The following PSPC1 variants were observed in gnomAD, a reference collection of about 807,000 sequenced individuals.
The protein encoded by PSPC1 is paraspeckle protein 1.
In PSPC1, 14 loss-of-function variants were observed where a neutral mutation model predicts 51.6. The observed-to-expected ratio is 0.27, with a 90% CI of 0.18 to 0.42. PSPC1 has a LOEUF of 0.42. Ranked by LOEUF, PSPC1 falls within the 10% of genes least tolerant of loss-of-function variation. The pLI, the probability that PSPC1 is intolerant of heterozygous loss-of-function variation, is 1.00. For synonymous variants in PSPC1, 193 were observed against 231.9 expected (o/e 0.83, Z 1.53); for missense variants, 406 against 701.1 (o/e 0.58, Z 4.75).
At chr13:19,733,164 C>T (rs937544274) in intron 5 of PSPC1, among the ~76,000 whole-genome samples, 13 of 152,018 alleles carry the variant, frequency 8.6e-5, no homozygotes, top group Admixed American at 2.6e-4. Flanking sequence ...AGATCAAGGA[C>T]ACATTAATCA....
chr13:19,699,379 C>G (rs1272328951), downstream of PSPC1: 2 of 151,530 alleles, frequency 1.3e-5, no homozygotes, highest in Non-Finnish European at 3.0e-5. Flanking sequence ...TGGATACTCA[C>G]TTAGGAAATG....
At chr13:19,734,541 C>G (rs901381782) in intron 5 of PSPC1, among the ~76,000 whole-genome samples, 2 of 152,212 alleles carry the variant, frequency 1.3e-5, no homozygotes, top group Non-Finnish European at 2.9e-5. Context: ...CTGGCTCACG[C>G]CTGTAATCCC....
At chr13:19,713,753 T>C (rs948100750) in intron 6 of PSPC1, among the ~76,000 whole-genome samples, 1 of 152,072 alleles carries the variant, frequency 6.6e-6, no homozygotes, top group Non-Finnish European at 1.5e-5. Context: ...CAGAACCACA[T>C]GTCAAAAGAG....
At chr13:19,714,430 A>G (rs780590072) in intron 6 of PSPC1, among the ~76,000 whole-genome samples, 3 of 152,094 alleles carry the variant, frequency 2.0e-5, no homozygotes, top group South Asian at 2.1e-4. Flanking sequence ...TGATTGGTAC[A>G]TAACACTAAA....
chr13:19,723,949 CCAT>C (rs1195648480), intron 6 of PSPC1, among the ~76,000 whole-genome samples: 3 of 152,166 alleles, frequency 2.0e-5, no homozygotes, highest in African/African-American at 7.2e-5. Flanking sequence ...TGGGACTAGG[CCAT>C]CATTATACCA....
At chr13:19,676,977 C>G (rs557731613) in intron 7 of PSPC1, among the ~76,000 whole-genome samples, 153 of 152,224 alleles carry the variant, frequency 1.0e-3, no homozygotes, top group Admixed American at 4.2e-3. Context: ...GCTCACGCCT[C>G]TAATCCCAGC....
intron 6 of PSPC1, chr13:19,678,888 C>T (rs1192738835): frequency 6.6e-6 from 1 of 152,242 alleles, no homozygotes; most frequent in African/African-American, 2.4e-5. Flanking sequence ...TCCCAGGTAG[C>T]TGAGACTACA....
Position 19,746,567 on chromosome 13 carries a change from A to C in PSPC1, c.967+4704T>G, listed in dbSNP as rs1341572306. On this transcript the variant is annotated intron_variant, in intron 4 of 8. Transcript: ENST00000338910. ...TGGCAAAGCCCTGTCTCTACCAAAA[A>C]TACAAAAATTAGCCGGGTATGGTGG... Among the ~76,000 whole-genome samples the C allele has an allele frequency of 2.0e-5, 3 of 150,438 alleles. No homozygotes were observed. The East Asian group carries it at 6.1e-4, about 31-fold the overall frequency.
At chr13:19,689,254 T>A (rs1878284624) in intron 6 of PSPC1, among the ~76,000 whole-genome samples, 1 of 152,086 alleles carries the variant, frequency 6.6e-6, no homozygotes, top group Non-Finnish European at 1.5e-5. Flanking sequence ...GAGGGAAGCC[T>A]AGAGTGAAGA....
rs189645990 is a variant in PSPC1 at position 19,747,691 on chromosome 13, T to C, written c.967+3580A>G. Among the ~76,000 whole-genome samples, 1,242 of 152,300 alleles carry C rather than the reference T, an allele frequency of 8.2e-3. 11 individuals are homozygous for C. Among genetic ancestry groups the C allele is most frequent in the Non-Finnish European group, 0.011 (767 of 68,034 alleles). On this transcript the variant is annotated intron_variant, in intron 4 of 8. Coordinates refer to ENST00000338910, the MANE Select transcript of PSPC1 (RefSeq NM_001354909.2). ...CTTACAAATACACAAAAACATCTAA[T>C]GACATATGCAAATTTTTTTTCATTA...
chr13:19,779,055 C>T (rs1162999678), intron 1 of PSPC1, among the ~76,000 whole-genome samples: 1 of 127,674 alleles, frequency 7.8e-6, no homozygotes, highest in Non-Finnish European at 1.7e-5. Context: ...CGCCTCTGCC[C>T]GGCCGAGACC....
chr13:19,688,344 G>C (rs565498676), intron 6 of PSPC1, among the ~76,000 whole-genome samples: 2 of 151,560 alleles, frequency 1.3e-5, no homozygotes, highest in African/African-American at 2.4e-5. Flanking sequence ...CCTGTCACAC[G>C]ATGCTCCCAA....
chr13:19,694,118 A>C (rs12867116), intron 6 of PSPC1, among the ~76,000 whole-genome samples: 12,531 of 34,198 alleles, frequency 0.37, 2,645 homozygotes, highest in East Asian at 0.78. Context: ...GCGAGACTCC[A>C]TCTCAAAAAA....
intron 2 of PSPC1, among the ~76,000 whole-genome samples, chr13:19,764,110 C>CA (rs1191633507): frequency 6.6e-6 from 1 of 151,864 alleles, no homozygotes; most frequent in African/African-American, 2.4e-5. Flanking sequence ...AATTTATTTA[C>CA]AAAAAAACTT....
intron 3 of PSPC1, among the ~76,000 whole-genome samples, chr13:19,758,882 G>A (rs534943879): frequency 6.9e-4 from 105 of 151,686 alleles, no homozygotes; most frequent in Non-Finnish European, 1.1e-3. Context: ...AGATTTCATC[G>A]TTTTTCTGGC....
chr13:19,687,396 G>A (rs1878027459), intron 6 of PSPC1, among the ~76,000 whole-genome samples: 1 of 152,110 alleles, frequency 6.6e-6, no homozygotes, highest in African/African-American at 2.4e-5. Flanking sequence ...GATGTACAGA[G>A]GGTATCTCAG....
At chr13:19,684,014 C>G (rs1565955935) in intron 6 of PSPC1, among the ~76,000 whole-genome samples, 1 of 152,014 alleles carries the variant, frequency 6.6e-6, no homozygotes, top group African/African-American at 2.4e-5. Context: ...TGAAAAATAC[C>G]AAATTCTAGA....
chr13:19,674,627 T>G (rs970550348), downstream of PSPC1: 1 of 152,170 alleles, frequency 6.6e-6, no homozygotes, highest in Non-Finnish European at 1.5e-5. Context: ...GCACACACCA[T>G]GAAAGGCTGG....
intron 6 of PSPC1, among the ~76,000 whole-genome samples, chr13:19,721,541 C>A (rs2137856272): frequency 6.6e-6 from 1 of 152,264 alleles, no homozygotes; most frequent in South Asian, 2.1e-4. Flanking sequence ...GACATATACA[C>A]ACACAAAAGT....
Sources: allele counts gnomAD v4.1 joint callset (sites outside exome capture counted in the v4.1 genomes callset), GRCh38; gene constraint gnomAD v4.1.1; transcripts MANE v1.5; gene names NCBI Gene and HGNC (gene_info 2026-07-23, HGNC 2026-07-21).